The following ZMIZ2 variants were observed in gnomAD, a reference collection of about 807,000 sequenced individuals.
ZMIZ2 encodes the protein zinc finger MIZ-type containing 2.
ZMIZ2 carries 26 observed loss-of-function variants against 93.9 expected under a neutral mutation model. The observed-to-expected ratio is 0.28, with a 90% CI of 0.20 to 0.38. ZMIZ2 has a LOEUF of 0.38. ZMIZ2 is among the 10% of genes least tolerant of loss of function. The pLI, the probability that ZMIZ2 is intolerant of heterozygous loss-of-function variation, is 1.00. For synonymous variants in ZMIZ2, 485 were observed against 516.4 expected (o/e 0.94, Z 0.82); for missense variants, 1,023 against 1,235.0 (o/e 0.83, Z 2.57).
In ZMIZ2 at chr7:44,757,422, C is replaced by G; in HGVS notation, c.413C>G (p.Ala138Gly). 1.9e-6 allele frequency: 3 copies of G among 1,604,764 alleles called. No individual in the cohort carries two copies. The highest frequency in any genetic ancestry group is 2.5e-6 in the Non-Finnish European group (3 of 1,179,864). Residue 138 changes from alanine (A) to glycine (G), a missense_variant, in exon 5 of 19, where the codon GCA becomes GGA. Ala to Gly is a moderately conservative substitution (Grantham distance 60). Around this residue, in one of 3 missense-constraint regions of ZMIZ2, gnomAD observed 656 missense variants for 777.1 expected, o/e 0.84. Coordinates refer to ENST00000309315, the MANE Select transcript of ZMIZ2 (RefSeq NM_031449.4). ...PGGLGLPSHA[A>G]RPSTDFTQAA... ...GGCCTGGGCCTCCCCTCACATGCTGCAAGACCCTCCACTGACTTCACGCAA... is the reference window on the plus strand; with the variant it reads ...GGCCTGGGCCTCCCCTCACATGCTGGAAGACCCTCCACTGACTTCACGCAA...
chr7:44,762,800 CAA>C lies in ZMIZ2; in HGVS notation c.1597-80_1597-79del, dbSNP rs1491240037. 37 of 1,086,490 alleles carry C rather than the reference CAA, an allele frequency of 3.4e-5. 1 individual carries two copies. In the East Asian group the frequency reaches 9.9e-4, roughly 29 times the overall value. The allele number at this position is 1,086,490 out of a possible 1,614,324, so 67.3% of individuals were successfully genotyped here. On this transcript the variant is annotated intron_variant, in intron 11 of 18. Transcript: ENST00000309315. ...CCCCCACCTGGCAGCCCCTGACACA[CAA>C]CCCCCAGCACACCCTTTACCTGGCC...
chr7:44,752,858 T>A (rs1790275057), intron 1 of ZMIZ2, among the ~76,000 whole-genome samples: 1 of 152,258 alleles, frequency 6.6e-6, no homozygotes, highest in Non-Finnish European at 1.5e-5. Context: ...TTCATTTCTC[T>A]GAGATAAATG....
In ZMIZ2 at chr7:44,763,446, T is replaced by C; in HGVS notation, c.1860+33T>C. ...GTTACTGCAGAGTCTTGCCGGAATT[T>C]GCTGCTGCTAAAATATCTTGAGTCG... On this transcript the variant is annotated intron_variant, in intron 13 of 18. Transcript: ENST00000309315. The surrounding 1 kb of genome is among the most constrained non-coding windows in gnomAD (Gnocchi z 5.6). The C allele has an allele frequency of 6.2e-7, 1 of 1,611,104 alleles. No homozygotes were observed. The highest frequency in any genetic ancestry group is 8.5e-7 in the Non-Finnish European group (1 of 1,177,864).
At position 44,765,607 on chromosome 7, in the gene ZMIZ2, T is replaced by G; in HGVS notation, c.2242+28T>G. 1.9e-6 allele frequency: 3 copies of G among 1,552,012 alleles called. No homozygotes were observed. The highest frequency in any genetic ancestry group is 2.6e-6 in the Non-Finnish European group (3 of 1,157,566). The stretch of plus-strand genomic sequence containing the variant: ...AAGTACAGCAGGCTAGCCTTGAACC[T>G]CAGATGACCCTGGGCATATGGCTCC... On this transcript the variant is annotated intron_variant, in intron 16 of 18. Coordinates refer to ENST00000309315, the MANE Select transcript of ZMIZ2 (RefSeq NM_031449.4). This position sits in a 1 kb window ranked among gnomAD's most constrained non-coding sequence, Gnocchi z 4.1.
chr7:44,753,309 A>G (rs1198691306), intron 1 of ZMIZ2, among the ~76,000 whole-genome samples: 1 of 151,348 alleles, frequency 6.6e-6, no homozygotes, highest in Non-Finnish European at 1.5e-5. Flanking sequence ...CAGTGGCATG[A>G]TCATGTCTCA....
At position 44,757,383 on chromosome 7, in the gene ZMIZ2, C is replaced by T. The variant is rs1456868032; in HGVS notation, c.374C>T (p.Ala125Val). The T allele has an allele frequency of 6.3e-7, 1 of 1,599,570 alleles. No homozygotes were observed. The highest frequency in any genetic ancestry group is 1.7e-5 in the Admixed American group (1 of 59,830). Residue 125 changes from alanine to valine, a missense_variant, in exon 5 of 19, where the codon GCA becomes GTA. Physicochemically the swap from Ala to Val is moderately conservative, Grantham distance 64 (BLOSUM62 0). Transcript: ENST00000309315. Reference protein sequence around the residue: ...PGAPGFTTGYAGGPGGLGLPS... With the variant: ...PGAPGFTTGYVGGPGGLGLPS... ...CAATCCTGTGTCTCCTGCAGGTATG[C>T]AGGCGGCCCGGGGGGCCTGGGCCTC...
chr7:44,768,464 C>G lies in ZMIZ2; in HGVS notation c.*841C>G, dbSNP rs1791920281. 1 of 152,340 alleles carries G rather than the reference C, an allele frequency of 6.6e-6. No individual in the cohort carries two copies. The highest frequency in any genetic ancestry group is 2.4e-5 in the African/African-American group (1 of 41,464). 9.4% of individuals were successfully genotyped at this position (152,340 alleles called of 1,614,324 possible). A position where few individuals can be genotyped will look rare whatever the true frequency, so the allele number is the denominator to read the frequency against. ...AGATTCAGCTCTGTGTAAAGATTCT[C>G]TAGCGGGCTGCGCTCCCAAGTTCCC... On this transcript the variant is annotated 3_prime_UTR_variant, in exon 19 of 19. Transcript: ENST00000309315.
Position 44,757,020 on chromosome 7 carries a change from G to C in ZMIZ2, c.239G>C (p.Ser80Thr), listed in dbSNP as rs1442108912. The change falls in exon 4 of 19, where the codon AGC (serine) becomes ACC (threonine). Residue 80 changes from serine (S) to threonine (T), a missense_variant. Ser to Thr is a moderately conservative substitution (Grantham distance 58). This residue lies in a region of ZMIZ2 where 656 missense variants were observed against 777.1 expected (regional missense o/e 0.84). Coordinates refer to ENST00000309315, the MANE Select transcript of ZMIZ2 (RefSeq NM_031449.4). ...ATGATGCCTGGTGTGGCAGGGGGCA[G>C]CTCCGCCTTGACCTCCCCACAGTGC... ...SSMMPGVAGG[S>T]SALTSPQCLG... 1.2e-6 allele frequency: 2 copies of C among 1,612,588 alleles called. No individual in the cohort carries two copies. Among genetic ancestry groups the C allele is most frequent in the Admixed American group, 3.4e-5 (2 of 59,682 alleles).
At chr7:44,750,959 A>G (rs569074137) in intron 1 of ZMIZ2, 1 of 152,220 alleles carries the variant, frequency 6.6e-6, no homozygotes, top group African/African-American at 2.4e-5. Flanking sequence ...GCAGAACACT[A>G]TCCTATCATC....
chr7:44,757,422 C>T lies in ZMIZ2; in HGVS notation c.413C>T (p.Ala138Val), dbSNP rs1165532705. Reference sequence around the variant, plus strand: ...GGCCTGGGCCTCCCCTCACATGCTGCAAGACCCTCCACTGACTTCACGCAA... The same window carrying T: ...GGCCTGGGCCTCCCCTCACATGCTGTAAGACCCTCCACTGACTTCACGCAA... ...PGGLGLPSHA[A>V]RPSTDFTQAA... The change falls in exon 5 of 19, where the codon GCA becomes GTA. Residue 138 changes from alanine to valine, a missense_variant. Coordinates refer to ENST00000309315, the MANE Select transcript of ZMIZ2 (RefSeq NM_031449.4). 1 of 1,604,764 alleles carries T rather than the reference C, an allele frequency of 6.2e-7. No homozygotes were observed. The highest frequency in any genetic ancestry group is 8.5e-7 in the Non-Finnish European group (1 of 1,179,864).
chr7:44,763,162 G>A lies in ZMIZ2; in HGVS notation c.1703-94G>A, dbSNP rs1791376501. ...GGTGGCCCCTCAGAGCTGTCAGTGGGTCAGTGACTGGGTCCCTGCCTCGTT... is the reference window on the plus strand; with the variant it reads ...GGTGGCCCCTCAGAGCTGTCAGTGGATCAGTGACTGGGTCCCTGCCTCGTT... On this transcript the variant is annotated intron_variant, in intron 12 of 18. Transcript: ENST00000309315. The surrounding 1 kb of genome is among the most constrained non-coding windows in gnomAD (Gnocchi z 5.6). 2 of 1,550,402 alleles carry A rather than the reference G, an allele frequency of 1.3e-6. No homozygotes were observed. Among genetic ancestry groups the A allele is most frequent in the Non-Finnish European group, 1.8e-6 (2 of 1,139,814 alleles).
chr7:44,766,291 C>A lies in ZMIZ2; in HGVS notation c.2370C>A (p.Ser790Arg). The A allele has an allele frequency of 6.3e-7, 1 of 1,599,170 alleles. No homozygotes were observed. The highest frequency in any genetic ancestry group is 8.5e-7 in the Non-Finnish European group (1 of 1,173,046). The change falls in exon 17 of 19, where the codon AGC (serine) becomes AGA (arginine). Residue 790 changes from serine to arginine, a missense_variant. Ser to Arg is a moderately radical substitution (Grantham distance 110). Coordinates refer to ENST00000309315, the MANE Select transcript of ZMIZ2 (RefSeq NM_031449.4). The surrounding 1 kb of genome is among the most constrained non-coding windows in gnomAD (Gnocchi z 4.4). The stretch of plus-strand genomic sequence containing the variant: ...CCTACCAGTCTGACATTCCCAGCAG[C>A]CTCCTGACTTCAGAGAAGTCTACCG... ...PISYQSDIPS[S>R]LLTSEKSTAC...
At chr7:44,759,900 C>T (rs1043178771) in intron 7 of ZMIZ2, 9 of 549,772 alleles carry the variant, frequency 1.6e-5, no homozygotes, top group Admixed American at 3.5e-5. Flanking sequence ...AGCCTGGGTG[C>T]GCCGGGTGGT....
rs568400187 is a variant in ZMIZ2, at chr7:44,765,437, G to A, written c.2100G>A (p.Leu700=). 312 of 1,609,648 alleles carry A rather than the reference G, an allele frequency of 1.9e-4. 5 individuals are homozygous for A. In the South Asian group the frequency reaches 3.3e-3, roughly 17 times the overall value. Residue 700 remains leucine (L), a synonymous_variant, in exon 16 of 19, where the codon CTG becomes CTA. Coordinates refer to ENST00000309315, the MANE Select transcript of ZMIZ2 (RefSeq NM_031449.4). This position sits in a 1 kb window ranked among gnomAD's most constrained non-coding sequence, Gnocchi z 4.1. ...HIKEEPDGPA[L]KRCRTVSPAH... Reference sequence around the variant, plus strand: ...AGGAGGAGCCGGATGGGCCAGCACTGAAGCGCTGCCGCACCGTGAGCCCCG... The same window carrying A: ...AGGAGGAGCCGGATGGGCCAGCACTAAAGCGCTGCCGCACCGTGAGCCCCG...
rs1460352091 is a variant in ZMIZ2 at position 44,761,453 on chromosome 7, C to T, written c.1245C>T (p.Ser415=). 16 of 1,612,784 alleles carry T rather than the reference C, an allele frequency of 9.9e-6. No individual in the cohort carries two copies. The highest frequency in any genetic ancestry group is 1.6e-4 in the Middle Eastern group (1 of 6,084). ...GCCAGTGGCCTCTGCTCCCAGGAAG[C>T]GGGCCTTGTGACGAGTTGCGGCTGA... ...LNSLHSSPSG[S]GPCDELRLTF... Residue 415 remains serine (S), a synonymous_variant, in exon 10 of 19, where the codon AGC becomes AGT. Coordinates refer to ENST00000309315, the MANE Select transcript of ZMIZ2 (RefSeq NM_031449.4). This position sits in a 1 kb window ranked among gnomAD's most constrained non-coding sequence, Gnocchi z 5.8.
chr7:44,765,299 C>G lies in ZMIZ2; in HGVS notation c.1998-36C>G, dbSNP rs768996814. ...CAGTGGGTGCCGGGCCAGCAGCAGG[C>G]CAGGAGGTAACCATTCCCCACCTGT... On this transcript the variant is annotated intron_variant, in intron 15 of 18. Coordinates refer to ENST00000309315, the MANE Select transcript of ZMIZ2 (RefSeq NM_031449.4). This position sits in a 1 kb window ranked among gnomAD's most constrained non-coding sequence, Gnocchi z 4.1. 4.4e-6 allele frequency: 7 copies of G among 1,606,242 alleles called. No individual in the cohort carries two copies. Among genetic ancestry groups the G allele is most frequent in the Admixed American group, 1.7e-5 (1 of 59,888 alleles).
chr7:44,750,280 TC>T (rs1450065964), intron 1 of ZMIZ2, among the ~76,000 whole-genome samples: 3 of 152,200 alleles, frequency 2.0e-5, no homozygotes, highest in Non-Finnish European at 2.9e-5. Flanking sequence ...CATTGCTTAT[TC>T]CTGGACTTTT....
rs943112478 is a variant in ZMIZ2, at chr7:44,765,117, G to T, written c.1997+108G>T. 4.6e-6 allele frequency: 7 copies of T among 1,507,010 alleles called. No homozygotes were observed. Among genetic ancestry groups the T allele is most frequent in the Non-Finnish European group, 6.4e-6 (7 of 1,101,230 alleles). 93.4% of individuals were successfully genotyped at this position (1,507,010 alleles called of 1,614,324 possible). A position where few individuals can be genotyped will look rare whatever the true frequency, so the allele number is the denominator to read the frequency against. On this transcript the variant is annotated intron_variant, in intron 15 of 18. Transcript: ENST00000309315. The surrounding 1 kb of genome is among the most constrained non-coding windows in gnomAD (Gnocchi z 4.1). ...AGTGCAGCCTTCCAGCCTTTTTCCGGCATGGAGCAGGCTGGATTCCAGGCC... is the reference window on the plus strand; with the variant it reads ...AGTGCAGCCTTCCAGCCTTTTTCCGTCATGGAGCAGGCTGGATTCCAGGCC...
Position 44,761,946 on chromosome 7 carries a change from G to C in ZMIZ2, c.1596+41G>C, listed in dbSNP as rs1226540859. The stretch of plus-strand genomic sequence containing the variant: ...CGAGGGGGCGGTGCTGTGGCGTGGG[G>C]CGGGGTGTGGTGGGGCCTGGCCCAG... On this transcript the variant is annotated intron_variant, in intron 11 of 18. Coordinates refer to ENST00000309315, the MANE Select transcript of ZMIZ2 (RefSeq NM_031449.4). The surrounding 1 kb of genome is among the most constrained non-coding windows in gnomAD (Gnocchi z 5.8). 6.3e-7 allele frequency: 1 copy of C among 1,576,162 alleles called. No individual in the cohort carries two copies.
Sources: allele counts gnomAD v4.1 joint callset (sites outside exome capture counted in the v4.1 genomes callset), GRCh38; gene constraint gnomAD v4.1.1; regional missense constraint gnomAD v4.1.1; non-coding constraint Gnocchi (gnomAD v3.1); transcripts MANE v1.5; gene names NCBI Gene and HGNC (gene_info 2026-07-23, HGNC 2026-07-21).